ARSB: variants seen among roughly 807,000 people sequenced by gnomAD.
The protein encoded by ARSB is arylsulfatase B.
In ARSB, 41 loss-of-function variants were observed where a neutral mutation model predicts 50.9. The observed-to-expected ratio is 0.81, with a 90% confidence interval of 0.63 to 1.04. ARSB has a LOEUF of 1.04. ARSB is among the 50% of genes least tolerant of loss of function. ARSB has a pLI of 0.00. For synonymous variants in ARSB, 269 were observed against 284.8 expected, an observed-to-expected ratio of 0.94 and a Z score of 0.56; for missense variants, 672 against 693.3, an observed-to-expected ratio of 0.97 and a Z score of 0.35.
chr5:78,817,606 C>A (rs992616150), intron 6 of ARSB, among the ~76,000 whole-genome samples: 1 of 151,932 alleles, frequency 6.6e-6, no homozygotes. Flanking sequence ...GTCAGGAGTC[C>A]GAGACCAGCC....
At chr5:78,839,516 A>G in intron 5 of ARSB, 90 bp from the exon 6 acceptor site, 1 of 1,192,720 alleles carries the variant, frequency 8.4e-7, no homozygotes, top group South Asian at 1.3e-5. Flanking sequence ...CTTATAGGAA[A>G]TAACAAACCT....
At chr5:78,980,744 G>GTGTGTGTGTGTGTGTGTGTA (rs57536545) in intron 1 of ARSB, among the ~76,000 whole-genome samples, 89 of 151,616 alleles carry the variant, frequency 5.9e-4, no homozygotes, top group African/African-American at 2.1e-3. Context: ...ATGTGTGTGT[G>GTGTGTGTGTGTGTGTGTGTA]TGTGTGTGTG....
At chr5:78,940,560 G>T (rs908170041) in intron 4 of ARSB, among the ~76,000 whole-genome samples, 4 of 152,116 alleles carry the variant, frequency 2.6e-5, no homozygotes, top group African/African-American at 9.7e-5. Context: ...CCCATTTCTT[G>T]TTTCTGTCAG....
chr5:78,904,257 T>C (rs1748933808), intron 4 of ARSB, among the ~76,000 whole-genome samples: 1 of 152,184 alleles, frequency 6.6e-6, no homozygotes, highest in Non-Finnish European at 1.5e-5. Flanking sequence ...GACATTTGGG[T>C]TTTTCAGTTT....
chr5:78,945,423 C>A (rs924294819), intron 4 of ARSB, among the ~76,000 whole-genome samples: 5 of 152,094 alleles, frequency 3.3e-5, no homozygotes, highest in Admixed American at 3.3e-4. Context: ...TTGGCTCCAC[C>A]CCTCCTATGT....
intron 3 of ARSB, among the ~76,000 whole-genome samples, chr5:78,957,209 C>T (rs1285548851): frequency 6.6e-6 from 1 of 151,124 alleles, no homozygotes; most frequent in Non-Finnish European, 1.5e-5. Flanking sequence ...CAAAAATAAA[C>T]GTATAATTCT....
intron 6 of ARSB, among the ~76,000 whole-genome samples, chr5:78,796,905 T>C: frequency 8.2e-6 from 1 of 121,514 alleles, no homozygotes; most frequent in Non-Finnish European, 1.7e-5. Flanking sequence ...TGAGACAGAG[T>C]CTCGCTCTGT....
chr5:78,797,023 G>A (rs1178049852), intron 6 of ARSB, among the ~76,000 whole-genome samples: 2 of 151,492 alleles, frequency 1.3e-5, no homozygotes, highest in African/African-American at 2.4e-5. Flanking sequence ...GACTACAGGC[G>A]CCCGCCACTA....
chr5:78,919,382 C>G (rs928834452), intron 4 of ARSB, among the ~76,000 whole-genome samples: 1 of 152,202 alleles, frequency 6.6e-6, no homozygotes, highest in Non-Finnish European at 1.5e-5. Flanking sequence ...CATGTATGAT[C>G]CAAATACCCA....
chr5:78,873,474 T>C (rs1223688804), intron 5 of ARSB, among the ~76,000 whole-genome samples: 1 of 148,568 alleles, frequency 6.7e-6, no homozygotes, highest in African/African-American at 2.5e-5. Flanking sequence ...AACAAAACAG[T>C]AGAATATAAT....
chr5:78,825,562 C>A (rs546785870), intron 6 of ARSB, among the ~76,000 whole-genome samples: 2 of 152,128 alleles, frequency 1.3e-5, no homozygotes, highest in African/African-American at 2.4e-5. Flanking sequence ...TATATTCTAA[C>A]TTGTCCAAAA....
chr5:78,808,916 T>C (rs903170506), intron 6 of ARSB, among the ~76,000 whole-genome samples: 2 of 152,216 alleles, frequency 1.3e-5, no homozygotes, highest in Admixed American at 1.3e-4. Flanking sequence ...GACGCCAATA[T>C]GTGTTAGCTG....
chr5:78,865,406 C>A (rs1373914151), intron 5 of ARSB, among the ~76,000 whole-genome samples: 2 of 152,128 alleles, frequency 1.3e-5, no homozygotes, highest in African/African-American at 4.8e-5. Flanking sequence ...CACAGGGCAC[C>A]AAATCCCTAG....
chr5:78,889,052 G>C (rs892152124), intron 4 of ARSB, among the ~76,000 whole-genome samples: 1 of 152,210 alleles, frequency 6.6e-6, no homozygotes, highest in Non-Finnish European at 1.5e-5. Flanking sequence ...GATGGCACCT[G>C]GCCGATGGTT....
At chr5:78,819,211 A>T (rs1172546274) in intron 6 of ARSB, among the ~76,000 whole-genome samples, 2 of 152,160 alleles carry the variant, frequency 1.3e-5, no homozygotes, top group East Asian at 3.9e-4. Context: ...TGGTCCTACC[A>T]TCATGAGGAG....
In ARSB at chr5:78,885,724, G is replaced by A. The variant is rs1420706789; in HGVS notation, c.1002C>T (p.Ser334=). ...GGVRGVGFVA[S]PLLKQKGVKN... ...TCACGCCCTTCTGCTTCAGCAAGGG[G>A]CTTGCCACAAAGCCCACCCCTCGGA... Residue 334 remains serine, a synonymous_variant, in exon 5 of 8, where the codon AGC becomes AGT. Transcript: ENST00000264914. 1.9e-6 allele frequency: 3 copies of A among 1,614,088 alleles called. No homozygotes were observed. The highest frequency in any genetic ancestry group is 2.5e-6 in the Non-Finnish European group (3 of 1,180,030).
intron 6 of ARSB, among the ~76,000 whole-genome samples, chr5:78,790,043 C>CCT (rs1749194941): frequency 6.6e-6 from 1 of 152,130 alleles, no homozygotes; most frequent in Admixed American, 6.6e-5. Context: ...AGAGGCATTT[C>CCT]CTCTCCGAAA....
intron 4 of ARSB, among the ~76,000 whole-genome samples, chr5:78,949,800 T>C (rs963260446): frequency 1.3e-5 from 2 of 151,918 alleles, no homozygotes; most frequent in African/African-American, 4.8e-5. Context: ...ATCCCAGCTA[T>C]TTGGGAGGCT....
At chr5:78,893,999 T>C (rs1748454881) in intron 4 of ARSB, among the ~76,000 whole-genome samples, 1 of 152,230 alleles carries the variant, frequency 6.6e-6, no homozygotes, top group African/African-American at 2.4e-5. Context: ...TACTCACACA[T>C]TATTTGGCTC....
Sources: gnomAD v4.1 joint callset for allele counts (sites outside exome capture counted in the v4.1 genomes callset) on GRCh38, gnomAD v4.1.1 for gene constraint, MANE v1.5 for transcripts, NCBI Gene and HGNC (gene_info 2026-07-23, HGNC 2026-07-21) for gene names.